The following MARCO variants were observed in gnomAD, a reference collection of about 807,000 sequenced individuals.
MARCO encodes macrophage receptor MARCO.
MARCO carries 72 observed loss-of-function variants against 70.0 expected under a neutral mutation model. The ratio of observed to expected loss-of-function variants is 1.03; its 90% confidence interval spans 0.85 to 1.25. The LOEUF (loss-of-function observed/expected upper bound fraction) is 1.25. Ranked by LOEUF, MARCO falls within the 50% of genes most tolerant of loss-of-function variation. MARCO has a pLI of 0.00. For synonymous variants in MARCO, 273 were observed against 243.1 expected, an observed-to-expected ratio of 1.12 and a Z score of -1.14; for missense variants, 696 against 659.3, an observed-to-expected ratio of 1.06 and a Z score of -0.61.
chr2:118,942,554 G>A (rs929952784), intron 1 of MARCO, among the ~76,000 whole-genome samples, 157 bp downstream of exon 1: 2 of 152,142 alleles, frequency 1.3e-5, no homozygotes, highest in African/African-American at 4.8e-5. Flanking sequence ...CTTCAATTTG[G>A]AATTTCTGGA....
At chr2:118,987,359 G>T (rs537354312) in intron 12 of MARCO, among the ~76,000 whole-genome samples, 1 of 152,182 alleles carries the variant, frequency 6.6e-6, no homozygotes, top group South Asian at 2.1e-4. Flanking sequence ...TTGATTTATA[G>T]TGAAGTAATT....
At chr2:118,952,679 T>G (rs538789334) in intron 1 of MARCO, 1 of 152,380 alleles carries the variant, frequency 6.6e-6, no homozygotes, top group African/African-American at 2.4e-5. Context: ...CTGGCCAGTT[T>G]CTTTCTGCAT....
chr2:118,952,591 G>T (rs980021585), intron 1 of MARCO: 1 of 152,132 alleles, frequency 6.6e-6, no homozygotes, highest in African/African-American at 2.4e-5. Flanking sequence ...GTACTTTACC[G>T]GCTCCTGTGG....
At chr2:118,961,202 A>G (rs1326781499) in intron 1 of MARCO, among the ~76,000 whole-genome samples, 1 of 152,240 alleles carries the variant, frequency 6.6e-6, no homozygotes, top group East Asian at 1.9e-4. Flanking sequence ...ATGAACATAC[A>G]TGTGCCATAT....
In MARCO at chr2:118,981,625, G is replaced by A; in HGVS notation, c.870G>A (p.Leu290=). ...GDFGRPGPPG[L]AGFPGAKGDQ... ...AAAAGTTCTTTTTCATCTTAGGTTT[G>A]GCTGGTTTTCCTGGAGCTAAAGGAG... The change falls in exon 10 of 17, where the codon TTG becomes TTA. Residue 290 remains leucine, a synonymous_variant. Coordinates refer to ENST00000327097, the MANE Select transcript of MARCO (RefSeq NM_006770.4). 6.2e-7 allele frequency: 1 copy of A among 1,613,148 alleles called. No homozygotes were observed. Among genetic ancestry groups the A allele is most frequent in the Non-Finnish European group, 8.5e-7 (1 of 1,179,774 alleles).
chr2:118,955,580 G>A (rs951835475), intron 1 of MARCO, among the ~76,000 whole-genome samples: 1 of 152,090 alleles, frequency 6.6e-6, no homozygotes, highest in African/African-American at 2.4e-5. Context: ...ACTTAGACAT[G>A]GAAACACAAG....
chr2:118,977,613 C>G, intron 7 of MARCO, 98 bp downstream of exon 7: 1 of 1,057,956 alleles, frequency 9.5e-7, no homozygotes, highest in Non-Finnish European at 1.4e-6. Flanking sequence ...AGCCCCACCC[C>G]AGCCCCTGAC....
intron 1 of MARCO, among the ~76,000 whole-genome samples, chr2:118,948,801 A>ATGTTTGTTTGTTTGTT (rs70949952): frequency 6.6e-6 from 1 of 151,668 alleles, no homozygotes; most frequent in Admixed American, 6.6e-5. Context: ...AATTGAAGCT[A>ATGTTTGTTTGTTTGTT]TGTTTGTTTG....
intron 1 of MARCO, among the ~76,000 whole-genome samples, chr2:118,957,741 T>C (rs1679865226): frequency 6.6e-6 from 1 of 152,150 alleles, no homozygotes; most frequent in South Asian, 2.1e-4. Flanking sequence ...TTGATGAACA[T>C]AGATGTGAAA....
intron 1 of MARCO, chr2:118,952,741 C>G (rs1056315716): frequency 6.6e-6 from 1 of 152,112 alleles, no homozygotes; most frequent in African/African-American, 2.4e-5. Flanking sequence ...GTCCCTTACC[C>G]CTGAGGCCAC....
chr2:118,951,660 GACA>G (rs1012604083), intron 1 of MARCO, among the ~76,000 whole-genome samples: 1 of 152,224 alleles, frequency 6.6e-6, no homozygotes, highest in Non-Finnish European at 1.5e-5. Context: ...TGTTTACACT[GACA>G]ACAAGGTGGT....
intron 12 of MARCO, among the ~76,000 whole-genome samples, chr2:118,983,831 G>A (rs558946020): frequency 1.3e-5 from 2 of 152,132 alleles, no homozygotes; most frequent in East Asian, 3.9e-4. Context: ...CAGACTAACG[G>A]TTCTCAACTA....
At chr2:118,962,570 T>C (rs1035004004) in intron 1 of MARCO, among the ~76,000 whole-genome samples, 3 of 152,092 alleles carry the variant, frequency 2.0e-5, no homozygotes, top group African/African-American at 4.8e-5. Flanking sequence ...TTTGTTTGTT[T>C]CTTTCTTTCT....
chr2:118,946,942 A>G (rs1679612029), intron 1 of MARCO, among the ~76,000 whole-genome samples: 2 of 152,210 alleles, frequency 1.3e-5, no homozygotes, highest in East Asian at 3.8e-4. Flanking sequence ...TCATGTGCTT[A>G]AATACCATAT....
intron 12 of MARCO, among the ~76,000 whole-genome samples, chr2:118,983,307 C>T (rs936665331): frequency 6.7e-6 from 1 of 149,906 alleles, no homozygotes; most frequent in Admixed American, 6.6e-5. Context: ...ATGCCCTCAC[C>T]CCCGTGCTGT....
intron 12 of MARCO, 67 bp from the exon 13 acceptor site, chr2:118,990,522 G>C (rs923531583): frequency 2.7e-6 from 4 of 1,505,490 alleles, no homozygotes; most frequent in Admixed American, 3.4e-5. Flanking sequence ...GGTTGTCTAA[G>C]ATTAAAAATG....
chr2:118,977,005 G>T (rs920952853), intron 6 of MARCO, among the ~76,000 whole-genome samples: 8 of 152,164 alleles, frequency 5.3e-5, no homozygotes, highest in Non-Finnish European at 1.5e-5. Context: ...TCTGGTGAGG[G>T]CCTTGTGTTG....
At chr2:118,982,827 C>G (rs939945940) in intron 12 of MARCO, among the ~76,000 whole-genome samples, 1 of 152,322 alleles carries the variant, frequency 6.6e-6, no homozygotes, top group South Asian at 2.1e-4. Context: ...CCTAGGGGGG[C>G]AGCCTGGGAG....
intron 7 of MARCO, 73 bp downstream of exon 7, chr2:118,977,588 C>A: frequency 7.3e-7 from 1 of 1,376,748 alleles, no homozygotes; most frequent in South Asian, 1.2e-5. Context: ...CCCCCACCCC[C>A]CATCCTCTTT....
Sources: allele counts gnomAD v4.1 joint callset (sites outside exome capture counted in the v4.1 genomes callset), GRCh38; gene constraint gnomAD v4.1.1; transcripts MANE v1.5; gene names NCBI Gene and HGNC (gene_info 2026-07-23, HGNC 2026-07-21).